Variants in ABCB11 observed in about 807,000 individuals in gnomAD.
ABCB11 encodes ATP binding cassette subfamily B member 11.
A neutral mutation model predicts 148.0 loss-of-function variants in ABCB11; 95 were observed. That is an observed-to-expected ratio of 0.64 (90% CI 0.54 to 0.76). ABCB11 has a LOEUF of 0.76. Ranked by LOEUF, ABCB11 falls within the 30% of genes least tolerant of loss-of-function variation. ABCB11 has a pLI of 0.00. For synonymous variants in ABCB11, 591 were observed against 555.4 expected (o/e 1.06, Z -0.90); for missense variants, 1,523 against 1,617.8 (o/e 0.94, Z 1.01).
chr2:168,973,593 A>T, intron 13 of ABCB11, 122 bp downstream of exon 13: 1 of 1,250,676 alleles, frequency 8.0e-7, no homozygotes, highest in Non-Finnish European at 1.1e-6. Flanking sequence ...GTAACAAATC[A>T]TTAAGTTAAC....
chr2:168,971,703 G>A, intron 14 of ABCB11, 144 bp downstream of exon 14: 1 of 712,110 alleles, frequency 1.4e-6, no homozygotes, highest in African/African-American at 1.8e-5. Context: ...AAACACTCAT[G>A]GTACTTTTTC....
Position 168,964,285 on chromosome 2 carries a change from T to G in ABCB11, c.2099A>C (p.Lys700Thr). 6.4e-7 allele frequency: 1 copy of G among 1,568,160 alleles called. No individual in the cohort carries two copies. The highest frequency in any genetic ancestry group is 8.7e-7 in the Non-Finnish European group (1 of 1,154,750). The change falls in exon 18 of 28, where the codon AAG becomes ACG. Residue 700 changes from lysine to threonine, a missense_variant. Coordinates refer to ENST00000650372, the MANE Select transcript of ABCB11 (RefSeq NM_003742.4). The stretch of plus-strand genomic sequence containing the variant: ...GTGCACCAGGTAAGAAAGCTGAGAC[T>G]TGGAGCGTTGCCGGATGGAAGCCCT... The part of the protein sequence containing the change: ...SLRASIRQRS[K>T]SQLSYLVHEP...
At position 168,936,476 on chromosome 2, in the gene ABCB11, G is replaced by A. The variant is rs369480768; in HGVS notation, c.2611-43C>T. 268 of 1,590,728 alleles carry A rather than the reference G, an allele frequency of 1.7e-4. No individual in the cohort carries two copies. In the African/African-American group the frequency reaches 3.3e-3, roughly 20 times the overall value. On this transcript the variant is annotated intron_variant, in intron 21 of 27. Transcript: ENST00000650372. ...ATCAACCCGTCTCAGACACACAGTC[G>A]CTTTTACCAATTACCATTACACAAA...
intron 10 of ABCB11, among the ~76,000 whole-genome samples, chr2:168,981,894 G>C (rs1694147850): frequency 6.6e-6 from 1 of 152,152 alleles, no homozygotes; most frequent in African/African-American, 2.4e-5. Context: ...CAGGCAGTGA[G>C]CTGGATTTGG....
intron 9 of ABCB11, among the ~76,000 whole-genome samples, chr2:168,989,587 T>A (rs747694734): frequency 6.6e-6 from 1 of 152,140 alleles, no homozygotes; most frequent in Non-Finnish European, 1.5e-5. Flanking sequence ...TCAGGTAACG[T>A]GATGCCTCCA....
intron 2 of ABCB11, among the ~76,000 whole-genome samples, chr2:169,017,306 C>T (rs936305737): frequency 6.6e-6 from 1 of 152,006 alleles, no homozygotes; most frequent in Non-Finnish European, 1.5e-5. Context: ...ACTGTTTTCC[C>T]CAGTGTAGGT....
intron 21 of ABCB11, among the ~76,000 whole-genome samples, chr2:168,939,774 T>TA (rs1046311058): frequency 1.3e-5 from 2 of 152,134 alleles, no homozygotes; most frequent in African/African-American, 4.8e-5. Flanking sequence ...GGCAACCCTG[T>TA]ATATGCAGAG....
In ABCB11 at chr2:169,029,724, C is replaced by CTTTTTTTTTTT. The variant is rs1166356679; in HGVS notation, c.-28+1490_-28+1500dup. On this transcript the variant is annotated intron_variant, in intron 1 of 27. Transcript: ENST00000650372. ...GTCTCTAAATGTACAGTTCTTTCCT[C>CTTTTTTTTTTT]TTTTTTTTTTTTTTTTTTTTTTTTT... is the stretch of plus-strand genomic sequence containing the variant. 1.3e-3 allele frequency among the ~76,000 whole-genome samples: 119 copies of CTTTTTTTTTTT among 88,290 alleles called. 22 individuals carry two copies. Among genetic ancestry groups the CTTTTTTTTTTT allele is most frequent in the African/African-American group, 6.5e-3 (113 of 17,422 alleles). The allele number at this position is 88,290 out of a possible 152,430, so 57.9% of individuals were successfully genotyped here.
At chr2:168,926,412 T>A (rs1045302767) in intron 26 of ABCB11, among the ~76,000 whole-genome samples, 7 of 152,196 alleles carry the variant, frequency 4.6e-5, no homozygotes, top group African/African-American at 1.7e-4. Flanking sequence ...TTAACGTTAT[T>A]TTCTTGCATT....
chr2:169,009,578 TG>T (rs1187359567), intron 5 of ABCB11, among the ~76,000 whole-genome samples: 1 of 76,280 alleles, frequency 1.3e-5, no homozygotes, highest in East Asian at 5.3e-4. Context: ...GGGCCTGTTG[TG>T]GGGTGGGGGG....
In ABCB11 at chr2:168,968,441, G is replaced by A; in HGVS notation, c.2061C>T (p.Tyr687=). ...MLARTFSRGS[Y]QDSLRASIRQ... ...CTTGAGCTTACCTTAAACTATCCTG[G>A]TAGCTCCCTCTGCTAAAGGTCCTCG... Residue 687 remains tyrosine (Y), a synonymous_variant, in exon 17 of 28, where the codon TAC becomes TAT. Transcript: ENST00000650372. 1 of 1,610,958 alleles carries A rather than the reference G, an allele frequency of 6.2e-7. No homozygotes were observed. Among genetic ancestry groups the A allele is most frequent in the Non-Finnish European group, 8.5e-7 (1 of 1,178,416 alleles).
chr2:168,930,891 T>G, intron 24 of ABCB11, 29 bp from the exon 25 acceptor site: 2 of 1,538,542 alleles, frequency 1.3e-6, no homozygotes, highest in Non-Finnish European at 1.8e-6. Context: ...AAATTAGAGA[T>G]GCTCTTACTG....
intron 26 of ABCB11, 71 bp downstream of exon 26, chr2:168,927,085 T>C: frequency 7.1e-7 from 1 of 1,417,842 alleles, no homozygotes; most frequent in South Asian, 1.2e-5. Flanking sequence ...ATGCTCAACC[T>C]GTACACTCTG....
intron 19 of ABCB11, among the ~76,000 whole-genome samples, chr2:168,953,933 GA>G: frequency 6.6e-6 from 1 of 151,686 alleles, no homozygotes; most frequent in South Asian, 2.1e-4. Context: ...TGCCTTTCCA[GA>G]CCAAACCAAT....
rs1481940811 is a variant in ABCB11 at position 168,990,883 on chromosome 2, T to C, written c.826A>G (p.Lys276Glu). Residue 276 changes from lysine (K) to glutamate (E), a missense_variant, in exon 9 of 28, where the codon AAA becomes GAA. Coordinates refer to ENST00000650372, the MANE Select transcript of ABCB11 (RefSeq NM_003742.4). ...ACTTCATCAGCCACCACCCCTGCTTTGGCATAGGCCTTCAGCTCATAGTCC... is the reference window on the plus strand; with the variant it reads ...ACTTCATCAGCCACCACCCCTGCTTCGGCATAGGCCTTCAGCTCATAGTCC... ...FTDYELKAYAKAGVVADEVIS... is the reference protein window; with the variant it reads ...FTDYELKAYAEAGVVADEVIS... The C allele has an allele frequency of 1.2e-6, 2 of 1,613,204 alleles. No homozygotes were observed. Among genetic ancestry groups the C allele is most frequent in the Non-Finnish European group, 1.7e-6 (2 of 1,179,400 alleles).
chr2:169,010,323 G>A (rs548738819), intron 5 of ABCB11, among the ~76,000 whole-genome samples: 30 of 151,722 alleles, frequency 2.0e-4, no homozygotes, highest in African/African-American at 6.3e-4. Context: ...TCTATTATTC[G>A]ACTGTTCTGA....
chr2:169,028,674 A>G (rs1489488416), intron 1 of ABCB11, among the ~76,000 whole-genome samples: 2 of 152,212 alleles, frequency 1.3e-5, no homozygotes, highest in South Asian at 2.1e-4. Flanking sequence ...AAGCTAATGA[A>G]GTCTTTTAGG....
chr2:169,014,530 T>A (rs1016459470), intron 3 of ABCB11, among the ~76,000 whole-genome samples, 176 bp from the exon 4 acceptor site: 1 of 152,218 alleles, frequency 6.6e-6, no homozygotes, highest in Non-Finnish European at 1.5e-5. Flanking sequence ...GATTTCCCTC[T>A]TCTAGAGATT....
chr2:168,915,483 C>T (rs904342709), downstream of ABCB11, among the ~76,000 whole-genome samples: 1 of 152,178 alleles, frequency 6.6e-6, no homozygotes, highest in African/African-American at 2.4e-5. Flanking sequence ...ACAACAACAA[C>T]AACAAACACA....
Sources: gnomAD v4.1 joint callset for allele counts (sites outside exome capture counted in the v4.1 genomes callset) on GRCh38, gnomAD v4.1.1 for gene constraint, MANE v1.5 for transcripts, NCBI Gene and HGNC (gene_info 2026-07-23, HGNC 2026-07-21) for gene names.